The following MED15 variants were observed in gnomAD, a reference collection of about 807,000 sequenced individuals.
MED15 encodes the protein mediator of RNA polymerase II transcription subunit 15.
MED15 carries 41 observed loss-of-function variants against 118.7 expected under a neutral mutation model. That is an observed-to-expected ratio of 0.35 (90% CI 0.27 to 0.45). MED15 has a LOEUF of 0.45. Ranked by LOEUF, MED15 falls within the 20% of genes least tolerant of loss-of-function variation. MED15 has a pLI of 1.00. For synonymous variants in MED15, 436 were observed against 413.9 expected, an observed-to-expected ratio of 1.05 and a Z score of -0.65; for missense variants, 740 against 1,025.5, an observed-to-expected ratio of 0.72 and a Z score of 3.80.
At position 20,583,110 on chromosome 22, in the gene MED15, C is replaced by T; in HGVS notation, c.1538-3C>T. On this transcript the variant is annotated splice_region_variant and splice_polypyrimidine_tract_variant and intron_variant, in intron 11 of 17. Transcript: ENST00000263205. ...TGTGGCCTCACCCGCCTGTGTCCTG[C>T]AGTGAACCCCAGCTCTGTCATGAGC... 1 of 1,587,448 alleles carries T rather than the reference C, an allele frequency of 6.3e-7. No homozygotes were observed. Among genetic ancestry groups the T allele is most frequent in the Non-Finnish European group, 8.6e-7 (1 of 1,165,626 alleles).
intron 1 of MED15, 144 bp downstream of exon 1, chr22:20,507,890 C>CA: frequency 4.7e-6 from 7 of 1,478,076 alleles, no homozygotes; most frequent in Non-Finnish European, 6.3e-6. Flanking sequence ...AGGGCTCGGG[C>CA]CCCCCCGTCT....
At chr22:20,533,407 A>G (rs2054931057) in intron 1 of MED15, among the ~76,000 whole-genome samples, 1 of 152,208 alleles carries the variant, frequency 6.6e-6, no homozygotes, top group Non-Finnish European at 1.5e-5. Context: ...CAAACTAGAA[A>G]CAGGAGCAAA....
chr22:20,507,689 C>T lies in MED15; in HGVS notation c.11C>T (p.Ser4Phe). MDV[S>F]GQETDWRSTA... ...AGCTGGGGAACAGGCATGGACGTTTCCGGGCAAGAGACCGACTGGCGGAGC... is the reference window on the plus strand; with the variant it reads ...AGCTGGGGAACAGGCATGGACGTTTTCGGGCAAGAGACCGACTGGCGGAGC... The change falls in exon 1 of 18, where the codon TCC becomes TTC. Residue 4 changes from serine to phenylalanine, a missense_variant. By Grantham distance (155) the Ser-to-Phe change is radical. Coordinates refer to ENST00000263205, the MANE Select transcript of MED15 (RefSeq NM_001003891.3). The T allele has an allele frequency of 6.2e-7, 1 of 1,614,056 alleles. No homozygotes were observed. Among genetic ancestry groups the T allele is most frequent in the South Asian group, 1.1e-5 (1 of 91,086 alleles).
At chr22:20,524,097 A>G (rs1020117836) in intron 1 of MED15, among the ~76,000 whole-genome samples, 4 of 152,244 alleles carry the variant, frequency 2.6e-5, no homozygotes, top group African/African-American at 7.2e-5. Flanking sequence ...TTAAAAAGTA[A>G]AAGAACCAGA....
rs1359924164 is a variant in MED15, at chr22:20,570,726, TTTTCTTTC to T, written c.1152+2111_1152+2118del. On this transcript the variant is annotated intron_variant, in intron 8 of 17. Transcript: ENST00000263205. ...CTTCTCTTCTCTTTTTTCTCTTTTC[TTTTCTTTC>T]TTTCTTTCTTTCTTTTTTTTTTTTT... 9.0e-3 allele frequency among the ~76,000 whole-genome samples: 1,021 copies of T among 113,738 alleles called. 15 individuals carry two copies. The highest frequency in any genetic ancestry group is 0.018 in the Middle Eastern group (4 of 220). The allele number at this position is 113,738 out of a possible 152,430, so 74.6% of individuals were successfully genotyped here.
intron 2 of MED15, among the ~76,000 whole-genome samples, chr22:20,542,732 T>A (rs1035325454): frequency 6.6e-6 from 1 of 152,224 alleles, no homozygotes; most frequent in African/African-American, 2.4e-5. Flanking sequence ...TCTATAAACT[T>A]TCTACTCCAA....
At chr22:20,585,873 G>T in intron 17 of MED15, 47 bp downstream of exon 17, 3 of 1,579,204 alleles carry the variant, frequency 1.9e-6, no homozygotes, top group Non-Finnish European at 2.6e-6. Flanking sequence ...GCAAGCAGGG[G>T]TCATTGTGGA....
intron 3 of MED15, 62 bp downstream of exon 3, chr22:20,551,549 G>C: frequency 6.6e-7 from 1 of 1,505,860 alleles, no homozygotes; most frequent in East Asian, 2.3e-5. Flanking sequence ...CCCTGACGCT[G>C]CCTCGGCAGA....
At chr22:20,564,810 C>T (rs1261972114) in intron 6 of MED15, 122 bp downstream of exon 6, 11 of 1,488,468 alleles carry the variant, frequency 7.4e-6, no homozygotes, top group Non-Finnish European at 1.0e-5. Context: ...ACACGTGTGC[C>T]TGCCCTTTTC....
At chr22:20,536,009 T>C (rs1185971581) in intron 1 of MED15, among the ~76,000 whole-genome samples, 1 of 151,926 alleles carries the variant, frequency 6.6e-6, no homozygotes, top group Non-Finnish European at 1.5e-5. Context: ...CCTTTGTAGC[T>C]GAGATTACAG....
At chr22:20,578,957 T>G (rs1261730847) in intron 9 of MED15, among the ~76,000 whole-genome samples, 1 of 152,210 alleles carries the variant, frequency 6.6e-6, no homozygotes, top group East Asian at 1.9e-4. Flanking sequence ...ACGGTGGGCA[T>G]GCCTCACGGA....
intron 1 of MED15, among the ~76,000 whole-genome samples, chr22:20,535,402 C>T (rs1278279489): frequency 6.6e-6 from 1 of 152,158 alleles, no homozygotes; most frequent in Non-Finnish European, 1.5e-5. Context: ...GCTGTAGCCC[C>T]GTCTGTACAT....
chr22:20,564,640 G>C lies in MED15; in HGVS notation c.642G>C (p.Gln214His), dbSNP rs1474847838. Reference sequence around the variant, plus strand: ...AGCAGCAGCAGCTCCAGCAGCAGCAGCAGCAGCAGCAGCATCTAATTAAAT... The same window carrying C: ...AGCAGCAGCAGCTCCAGCAGCAGCACCAGCAGCAGCAGCATCTAATTAAAT... ...VQQQQQLQQQ[Q>H]QQQQHLIKLH... The change falls in exon 6 of 18, where the codon CAG becomes CAC. Residue 214 changes from glutamine (Q) to histidine (H), a missense_variant. Physicochemically the swap from Gln to His is conservative, Grantham distance 24 (BLOSUM62 0). Around this residue, in one of 7 missense-constraint regions of MED15, gnomAD observed 384 missense variants for 506.3 expected, o/e 0.76. Coordinates refer to ENST00000263205, the MANE Select transcript of MED15 (RefSeq NM_001003891.3). 2 of 1,613,426 alleles carry C rather than the reference G, an allele frequency of 1.2e-6. No individual in the cohort carries two copies. The highest frequency in any genetic ancestry group is 1.7e-6 in the Non-Finnish European group (2 of 1,179,716).
intron 1 of MED15, chr22:20,508,333 G>A (rs2053944252): frequency 1.5e-6 from 2 of 1,304,250 alleles, no homozygotes; most frequent in Non-Finnish European, 2.0e-6. Context: ...TGAAGAGCTG[G>A]GGTCAGTGGC....
At chr22:20,518,938 C>T (rs2054346286) in intron 1 of MED15, 1 of 444,776 alleles carries the variant, frequency 2.2e-6, no homozygotes. Context: ...CTGCAACCTC[C>T]ACCTCCTGGG....
intron 1 of MED15, among the ~76,000 whole-genome samples, chr22:20,508,947 A>C (rs1370407861): frequency 6.6e-6 from 1 of 152,188 alleles, no homozygotes; most frequent in Non-Finnish European, 1.5e-5. Flanking sequence ...GTCAGTCTGT[A>C]ATGTGTATAC....
intron 1 of MED15, chr22:20,523,763 AAC>A: frequency 1.0e-6 from 1 of 985,406 alleles, no homozygotes; most frequent in Non-Finnish European, 1.2e-6. Flanking sequence ...AAGTCAAACC[AAC>A]AGATTGGAGT....
intron 15 of MED15, 32 bp downstream of exon 15, chr22:20,585,047 G>T: frequency 6.2e-7 from 1 of 1,613,710 alleles, no homozygotes; most frequent in Non-Finnish European, 8.5e-7. Context: ...TTTGCGGAGG[G>T]CGGCCAGCCC....
intron 9 of MED15, among the ~76,000 whole-genome samples, chr22:20,581,523 C>G (rs1156740607): frequency 1.3e-5 from 2 of 152,146 alleles, no homozygotes; most frequent in East Asian, 3.9e-4. Context: ...GGCTCCTAGG[C>G]AGACTGTGAG....
Sources: allele counts gnomAD v4.1 joint callset (sites outside exome capture counted in the v4.1 genomes callset), GRCh38; gene constraint gnomAD v4.1.1; regional missense constraint gnomAD v4.1.1; transcripts MANE v1.5; gene names NCBI Gene and HGNC (gene_info 2026-07-23, HGNC 2026-07-21).